EML4: variants seen among roughly 807,000 people sequenced by gnomAD.
EML4 encodes the protein echinoderm microtubule-associated protein-like 4.
EML4 carries 72 observed loss-of-function variants against 129.0 expected under a neutral mutation model. That is an observed-to-expected ratio of 0.56 (90% CI 0.46 to 0.68). EML4 has a LOEUF of 0.68. Ranked by LOEUF, EML4 falls within the 30% of genes least tolerant of loss-of-function variation. The probability of loss-of-function intolerance (pLI) is 0.00; values close to 1 mark genes in which losing one functional copy is unlikely to be tolerated. For synonymous variants in EML4, 532 were observed against 405.0 expected, an observed-to-expected ratio of 1.31 and a Z score of -3.77; for missense variants, 1,363 against 1,190.6, an observed-to-expected ratio of 1.14 and a Z score of -2.13.
At chr2:42,286,051 T>C (rs576960642) in intron 9 of EML4, 3 of 607,888 alleles carry the variant, frequency 4.9e-6, no homozygotes, top group Non-Finnish European at 5.9e-6. Context: ...ATAGTATGTG[T>C]AACATAGTAA....
intron 10 of EML4, among the ~76,000 whole-genome samples, chr2:42,286,981 T>C (rs1245288309): frequency 6.6e-6 from 1 of 152,156 alleles, no homozygotes; most frequent in Non-Finnish European, 1.5e-5. Context: ...AACATTCTGG[T>C]TTTTTCTTGA....
chr2:42,195,735 T>A (rs1424749439), intron 1 of EML4, among the ~76,000 whole-genome samples: 1 of 152,164 alleles, frequency 6.6e-6, no homozygotes, highest in Non-Finnish European at 1.5e-5. Context: ...TTATATTTGG[T>A]TCAAGATGAC....
At chr2:42,289,892 G>C (rs1330100062) in intron 11 of EML4, 1 of 121,172 alleles carries the variant, frequency 8.3e-6, no homozygotes, top group African/African-American at 3.2e-5. Flanking sequence ...ACATCGTGAA[G>C]CCCCATCTCT....
At chr2:42,191,916 G>C (rs996270639) in intron 1 of EML4, among the ~76,000 whole-genome samples, 92 of 152,194 alleles carry the variant, frequency 6.0e-4, no homozygotes, top group African/African-American at 2.1e-3. Context: ...GGCTGAGGTA[G>C]GTCATTTGAG....
At chr2:42,283,041 GT>G in intron 8 of EML4, 69 bp downstream of exon 8, 1 of 1,394,740 alleles carries the variant, frequency 7.2e-7, no homozygotes, top group Non-Finnish European at 9.7e-7. Flanking sequence ...TTAAATTTGG[GT>G]TTTATTGAAA....
chr2:42,323,270 C>T (rs1014616794), intron 19 of EML4, among the ~76,000 whole-genome samples: 1 of 152,162 alleles, frequency 6.6e-6, no homozygotes, highest in African/African-American at 2.4e-5. Flanking sequence ...GGCTCATGTG[C>T]ACTATGAAAA....
At chr2:42,244,203 A>G (rs548594649) in intron 1 of EML4, among the ~76,000 whole-genome samples, 79 of 150,880 alleles carry the variant, frequency 5.2e-4, no homozygotes, top group African/African-American at 1.7e-3. Context: ...GGTTCAAGCA[A>G]TTCTCCTGCC....
intron 1 of EML4, among the ~76,000 whole-genome samples, chr2:42,174,666 T>A (rs886160926): frequency 5.9e-5 from 9 of 152,206 alleles, no homozygotes; most frequent in Non-Finnish European, 1.0e-4. Flanking sequence ...TACCTTAATT[T>A]TGCATGCTGT....
At chr2:42,243,474 T>C (rs1299228878) in intron 1 of EML4, among the ~76,000 whole-genome samples, 1 of 151,954 alleles carries the variant, frequency 6.6e-6, no homozygotes, top group Admixed American at 6.6e-5. Context: ...CTCAAAGTTT[T>C]CAAATTGTAA....
At chr2:42,192,122 CA>C (rs34611381) in intron 1 of EML4, among the ~76,000 whole-genome samples, 82 of 138,284 alleles carry the variant, frequency 5.9e-4, no homozygotes, top group Admixed American at 9.5e-4. Flanking sequence ...GAAACTGTCT[CA>C]AAAAAAAAAA....
chr2:42,323,011 CTG>C (rs1228653463), intron 19 of EML4, among the ~76,000 whole-genome samples: 6 of 148,046 alleles, frequency 4.1e-5, no homozygotes, highest in Non-Finnish European at 9.1e-5. Flanking sequence ...TGAAAATAAT[CTG>C]TGTCCAACAT....
At chr2:42,175,058 C>A (rs901593732) in intron 1 of EML4, among the ~76,000 whole-genome samples, 1 of 151,458 alleles carries the variant, frequency 6.6e-6, no homozygotes, top group Non-Finnish European at 1.5e-5. Flanking sequence ...CTTGTGTGAT[C>A]CACCCACCTT....
chr2:42,244,501 T>C (rs1176467602), intron 1 of EML4, among the ~76,000 whole-genome samples: 1 of 152,250 alleles, frequency 6.6e-6, no homozygotes, highest in Non-Finnish European at 1.5e-5. Flanking sequence ...TGCTGTGGTA[T>C]AGCTAAGCCT....
intron 1 of EML4, among the ~76,000 whole-genome samples, chr2:42,182,606 G>A (rs1320688283): frequency 1.3e-5 from 2 of 152,134 alleles, no homozygotes; most frequent in Non-Finnish European, 2.9e-5. Flanking sequence ...AGAGAAAACA[G>A]TAGCTTTAAT....
At chr2:42,220,882 C>T (rs1294424977) in intron 1 of EML4, among the ~76,000 whole-genome samples, 1 of 152,166 alleles carries the variant, frequency 6.6e-6, no homozygotes, top group Non-Finnish European at 1.5e-5. Context: ...AGACCAGACA[C>T]AACATTCCCT....
chr2:42,295,420 T>C lies in EML4; in HGVS notation c.1393T>C (p.Leu465=), dbSNP rs1667890274. 6.2e-7 allele frequency: 1 copy of C among 1,614,080 alleles called. No homozygotes were observed. Among genetic ancestry groups the C allele is most frequent in the Non-Finnish European group, 8.5e-7 (1 of 1,179,954 alleles). The part of the protein sequence containing the change: ...KPKFVQCLAF[L]GNGDVLTGDS... ...AAAATTTGTGCAGTGTTTAGCATTC[T>C]TGGGGAATGGAGATGTTCTTACTGG... is the stretch of plus-strand genomic sequence containing the variant. Residue 465 remains leucine (L), a synonymous_variant, in exon 13 of 23, where the codon TTG becomes CTG. Transcript: ENST00000318522.
chr2:42,323,673 A>G (rs766989482), intron 19 of EML4, among the ~76,000 whole-genome samples: 14 of 151,668 alleles, frequency 9.2e-5, no homozygotes, highest in Non-Finnish European at 1.9e-4. Context: ...GCAGTGGCTC[A>G]CTATAATCCC....
At chr2:42,189,007 T>G (rs1315399863) in intron 1 of EML4, among the ~76,000 whole-genome samples, 1 of 152,148 alleles carries the variant, frequency 6.6e-6, no homozygotes, top group Non-Finnish European at 1.5e-5. Flanking sequence ...ACTCCAGTTA[T>G]CCCACTTACA....
At chr2:42,292,529 A>G (rs1288760335) in intron 11 of EML4, among the ~76,000 whole-genome samples, 5 of 152,244 alleles carry the variant, frequency 3.3e-5, no homozygotes, top group African/African-American at 4.8e-5. Context: ...GAAGGAATGC[A>G]TTGTGTATAA....
Sources: allele counts gnomAD v4.1 joint callset (sites outside exome capture counted in the v4.1 genomes callset), GRCh38; gene constraint gnomAD v4.1.1; transcripts MANE v1.5; gene names NCBI Gene and HGNC (gene_info 2026-07-23, HGNC 2026-07-21).